The following CNNM2 variants were observed in gnomAD, a reference collection of about 807,000 sequenced individuals.
CNNM2 encodes the protein cyclin and CBS domain divalent metal cation transport mediator 2.
A neutral mutation model predicts 66.9 loss-of-function variants in CNNM2; 12 were observed. That is an observed-to-expected ratio of 0.18 (90% CI 0.11 to 0.29). The LOEUF is 0.29. Ranked by LOEUF, CNNM2 falls within the 10% of genes least tolerant of loss-of-function variation. The pLI is 1.00. For missense variants in CNNM2, 705 were observed against 1,167.7 expected (o/e 0.60, Z 5.77); for synonymous variants, 557 against 501.8 (o/e 1.11, Z -1.47).
At chr10:103,047,634 G>A (rs1369263354) in intron 1 of CNNM2, among the ~76,000 whole-genome samples, 1 of 152,180 alleles carries the variant, frequency 6.6e-6, no homozygotes, top group African/African-American at 2.4e-5. Context: ...CAACTTTTCT[G>A]TAAATCTAAA....
intron 4 of CNNM2, among the ~76,000 whole-genome samples, chr10:103,060,130 G>T (rs1265665882): frequency 2.6e-5 from 4 of 151,510 alleles, no homozygotes; most frequent in African/African-American, 9.7e-5. Context: ...GAGTGAGCAT[G>T]TCTCAATAAA....
chr10:102,974,027 T>C (rs138907190), intron 1 of CNNM2, among the ~76,000 whole-genome samples: 84 of 152,344 alleles, frequency 5.5e-4, no homozygotes, highest in Non-Finnish European at 1.0e-3. Flanking sequence ...GGAAGTTTTT[T>C]TGGAACTCTG....
In CNNM2 at chr10:102,918,538, G is replaced by A; in HGVS notation, c.58G>A (p.Ala20Thr). Residue 20 changes from alanine (A) to threonine (T), a missense_variant, in exon 1 of 8, where the codon GCC becomes ACC. By Grantham distance (58) the Ala-to-Thr change is moderately conservative. This residue lies in a region of CNNM2 where 98 missense variants were observed against 73.6 expected (regional missense o/e 1.33). Coordinates refer to ENST00000369878, the MANE Select transcript of CNNM2 (RefSeq NM_017649.5). The surrounding 1 kb of genome is among the most constrained non-coding windows in gnomAD (Gnocchi z 4.1). ...AAAGATGGCGGGCGGGCAGGCAGCC[G>A]CCGCACTGCCCACTTGGAAGATGGC... ...KVKMAGGQAA[A>T]ALPTWKMAAR... 1 of 1,602,838 alleles carries A rather than the reference G, an allele frequency of 6.2e-7. No individual in the cohort carries two copies. Among genetic ancestry groups the A allele is most frequent in the Non-Finnish European group, 8.5e-7 (1 of 1,176,984 alleles).
chr10:103,052,835 A>G (rs1178932830), intron 2 of CNNM2, among the ~76,000 whole-genome samples: 1 of 152,140 alleles, frequency 6.6e-6, no homozygotes, highest in Non-Finnish European at 1.5e-5. Flanking sequence ...CTTGATCTGG[A>G]TAGAGATTGG....
chr10:102,965,885 C>G (rs190998072), intron 1 of CNNM2, among the ~76,000 whole-genome samples: 71 of 152,154 alleles, frequency 4.7e-4, no homozygotes, highest in Non-Finnish European at 7.2e-4. Flanking sequence ...TCTGTGTTTT[C>G]TGTTTCAGGT....
chr10:103,010,352 G>A (rs765706685), intron 1 of CNNM2, among the ~76,000 whole-genome samples: 6 of 151,060 alleles, frequency 4.0e-5, no homozygotes, highest in South Asian at 4.2e-4. Context: ...ATCCTCCCAC[G>A]TCAGCCTCCC....
At chr10:103,059,581 A>G (rs1364501830) in intron 4 of CNNM2, among the ~76,000 whole-genome samples, 2 of 152,242 alleles carry the variant, frequency 1.3e-5, no homozygotes, top group Non-Finnish European at 2.9e-5. Context: ...AGATTTTTAC[A>G]CCAAAATGCA....
intron 1 of CNNM2, among the ~76,000 whole-genome samples, chr10:103,000,603 G>A (rs1275414918): frequency 6.6e-6 from 1 of 151,974 alleles, no homozygotes; most frequent in Non-Finnish European, 1.5e-5. Flanking sequence ...ACAGGTGCGT[G>A]CCACCACACC....
chr10:102,960,464 C>T (rs1332560335), intron 1 of CNNM2, among the ~76,000 whole-genome samples: 7 of 152,040 alleles, frequency 4.6e-5, no homozygotes, highest in East Asian at 1.9e-4. Flanking sequence ...GTGTTTTCAC[C>T]ACAAAGAGAT....
chr10:103,004,987 C>A (rs964292146), intron 1 of CNNM2, among the ~76,000 whole-genome samples: 15 of 151,446 alleles, frequency 9.9e-5, no homozygotes, highest in African/African-American at 3.4e-4. Flanking sequence ...TCTTTAATTT[C>A]TTTTTTTTTC....
intron 2 of CNNM2, among the ~76,000 whole-genome samples, chr10:103,052,882 A>G (rs1245264615): frequency 6.6e-6 from 1 of 152,194 alleles, no homozygotes; most frequent in Non-Finnish European, 1.5e-5. Flanking sequence ...TTATTTTTAA[A>G]TTCTGTATTG....
At chr10:102,962,164 TCCCGGGGG>T (rs2063392102) in intron 1 of CNNM2, among the ~76,000 whole-genome samples, 1 of 152,046 alleles carries the variant, frequency 6.6e-6, no homozygotes, top group African/African-American at 2.4e-5. Context: ...CTGGGGCCTG[TCCCGGGGG>T]GTGGTGGGGT....
intron 1 of CNNM2, among the ~76,000 whole-genome samples, chr10:102,943,150 G>A (rs917838225): frequency 4.0e-5 from 6 of 151,836 alleles, no homozygotes; most frequent in South Asian, 2.1e-4. Flanking sequence ...GCTTGAACCC[G>A]GGAGGTGGAG....
In CNNM2 at chr10:102,981,274, C is replaced by T. The variant is rs112390216; in HGVS notation, c.1621+61173C>T. Reference sequence around the variant, plus strand: ...CTGAGATGGGAGGATCACCTGAGTCCGGGAGGTTGAGGCTGCAGTGAGCTG... The same window carrying T: ...CTGAGATGGGAGGATCACCTGAGTCTGGGAGGTTGAGGCTGCAGTGAGCTG... On this transcript the variant is annotated intron_variant, in intron 1 of 7. Coordinates refer to ENST00000369878, the MANE Select transcript of CNNM2 (RefSeq NM_017649.5). Among the ~76,000 whole-genome samples, 14,381 of 151,830 alleles carry T rather than the reference C, an allele frequency of 0.095. 872 individuals carry two copies. The highest frequency in any genetic ancestry group is 0.28 in the East Asian group (1,426 of 5,134).
At chr10:103,049,645 A>G (rs1484920216) in intron 1 of CNNM2, 62 bp from the exon 2 acceptor site, 48 of 1,499,006 alleles carry the variant, frequency 3.2e-5, no homozygotes, top group Non-Finnish European at 3.9e-5. Context: ...ACCATATCAC[A>G]TATAACATGT....
intron 1 of CNNM2, among the ~76,000 whole-genome samples, chr10:103,017,878 C>T (rs2064484810): frequency 1.3e-5 from 2 of 148,322 alleles, no homozygotes; most frequent in Admixed American, 1.4e-4. Flanking sequence ...GCAGGAGAAT[C>T]ACTTGAGCCT....
intron 6 of CNNM2, among the ~76,000 whole-genome samples, chr10:103,073,485 C>G (rs2065630118): frequency 6.6e-6 from 1 of 152,122 alleles, no homozygotes; most frequent in Non-Finnish European, 1.5e-5. Context: ...ATCTGTCACC[C>G]TGGGTGAAGT....
intron 1 of CNNM2, among the ~76,000 whole-genome samples, chr10:102,968,116 T>G (rs1484924713): frequency 3.7e-5 from 2 of 53,714 alleles, no homozygotes; most frequent in African/African-American, 6.3e-5. Context: ...ATAGTAAGAA[T>G]ATATATATAT....
At position 103,078,065 on chromosome 10, in the gene CNNM2, C is replaced by G. The variant is rs1201960057; in HGVS notation, c.*885C>G. ...AAGCTCACAGAGTGTCGTCGCCCAC[C>G]TCCCTGGTCCTTGCTCTTGTTAACC... On this transcript the variant is annotated 3_prime_UTR_variant, in exon 8 of 8. Transcript: ENST00000369878. 1 of 152,550 alleles carries G rather than the reference C, an allele frequency of 6.6e-6. No individual in the cohort carries two copies. Among genetic ancestry groups the G allele is most frequent in the Non-Finnish European group, 1.5e-5 (1 of 68,050 alleles). 9.4% of individuals were successfully genotyped at this position (152,550 alleles called of 1,614,324 possible).
Sources: allele counts gnomAD v4.1 joint callset (sites outside exome capture counted in the v4.1 genomes callset), GRCh38; gene constraint gnomAD v4.1.1; regional missense constraint gnomAD v4.1.1; non-coding constraint Gnocchi (gnomAD v3.1); transcripts MANE v1.5; gene names NCBI Gene and HGNC (gene_info 2026-07-23, HGNC 2026-07-21).